LIX1: variants seen among roughly 807,000 people sequenced by gnomAD.
LIX1 encodes protein limb expression 1 homolog.
In LIX1, 24 loss-of-function variants were observed where a neutral mutation model predicts 33.4. The observed-to-expected ratio is 0.72, with a 90% CI of 0.52 to 1.01. LIX1 has a LOEUF of 1.01. LIX1 is among the 50% of genes least tolerant of loss of function. LIX1 has a pLI of 0.00. For synonymous variants in LIX1, 124 were observed against 124.0 expected, an observed-to-expected ratio of 1.00 and a Z score of 0.00; for missense variants, 311 against 339.2, an observed-to-expected ratio of 0.92 and a Z score of 0.65.
Position 97,093,766 on chromosome 5 carries a change from C to T in LIX1, c.*982G>A, listed in dbSNP as rs764647593. The T allele has an allele frequency of 2.0e-5, 3 of 152,096 alleles. No homozygotes were observed. Among genetic ancestry groups the T allele is most frequent in the Non-Finnish European group, 2.9e-5 (2 of 68,028 alleles). 9.4% of individuals were successfully genotyped at this position (152,096 alleles called of 1,614,324 possible). ...TGACTTAAACTTAATAATGATACTACATTTGAGCTACTGGTTGCTTATGTT... is the reference window on the plus strand; with the variant it reads ...TGACTTAAACTTAATAATGATACTATATTTGAGCTACTGGTTGCTTATGTT... On this transcript the variant is annotated 3_prime_UTR_variant, in exon 6 of 6. Coordinates refer to ENST00000274382, the MANE Select transcript of LIX1 (RefSeq NM_153234.5).
chr5:97,110,636 G>A (rs1747336647), intron 2 of LIX1, among the ~76,000 whole-genome samples: 1 of 151,986 alleles, frequency 6.6e-6, no homozygotes, highest in Non-Finnish European at 1.5e-5. Context: ...TAGAGATGGG[G>A]TTTCTCCATG....
intron 1 of LIX1, among the ~76,000 whole-genome samples, chr5:97,141,874 A>G (rs1482920944): frequency 6.6e-6 from 1 of 152,246 alleles, no homozygotes; most frequent in Non-Finnish European, 1.5e-5. Context: ...AATCATTAAA[A>G]AAAAGATTTT....
Position 97,092,719 on chromosome 5 carries a change from C to A in LIX1, c.*2029G>T, listed in dbSNP as rs952033946. The A allele has an allele frequency of 6.6e-6, 1 of 152,322 alleles. No individual in the cohort carries two copies. The highest frequency in any genetic ancestry group is 2.4e-5 in the African/African-American group (1 of 41,440). The allele number at this position is 152,322 out of a possible 1,614,324, so 9.4% of individuals were successfully genotyped here. On this transcript the variant is annotated 3_prime_UTR_variant, in exon 6 of 6. Coordinates refer to ENST00000274382, the MANE Select transcript of LIX1 (RefSeq NM_153234.5). The stretch of plus-strand genomic sequence containing the variant: ...TGATATTGTCCCATCTGATCCCTGT[C>A]CCTGCATCTAATTAAGATGGTGTCA...
intron 1 of LIX1, among the ~76,000 whole-genome samples, chr5:97,141,658 TA>T (rs562091676): frequency 5.3e-5 from 8 of 152,076 alleles, no homozygotes; most frequent in Admixed American, 4.6e-4. Context: ...CTATTGAAGT[TA>T]AAAAAAATTC....
At chr5:97,120,055 C>A (rs1747741468) in intron 2 of LIX1, among the ~76,000 whole-genome samples, 2 of 152,114 alleles carry the variant, frequency 1.3e-5, no homozygotes, top group South Asian at 4.1e-4. Flanking sequence ...AGTTGCTATG[C>A]ATAAATTAAA....
chr5:97,117,927 A>G (rs1747678634), intron 2 of LIX1, among the ~76,000 whole-genome samples: 1 of 152,134 alleles, frequency 6.6e-6, no homozygotes. Flanking sequence ...AATGGAAAAA[A>G]AAAAAAAAAG....
At chr5:97,126,754 C>T (rs1301726877) in intron 1 of LIX1, among the ~76,000 whole-genome samples, 1 of 151,362 alleles carries the variant, frequency 6.6e-6, no homozygotes, top group Non-Finnish European at 1.5e-5. Context: ...ATTCTCCTGC[C>T]TCAGCCTCCT....
intron 2 of LIX1, among the ~76,000 whole-genome samples, chr5:97,122,635 G>C (rs1457317031): frequency 1.3e-5 from 2 of 152,132 alleles, no homozygotes; most frequent in Non-Finnish European, 2.9e-5. Context: ...AGAACTGTCT[G>C]AATATTCAGT....
intron 1 of LIX1, among the ~76,000 whole-genome samples, chr5:97,135,669 A>C (rs1748155567): frequency 6.6e-6 from 1 of 152,098 alleles, no homozygotes; most frequent in African/African-American, 2.4e-5. Flanking sequence ...AATTACAAAA[A>C]TTAGCTAGGT....
chr5:97,129,881 G>T (rs1467953942), intron 1 of LIX1, among the ~76,000 whole-genome samples: 1 of 152,182 alleles, frequency 6.6e-6, no homozygotes, highest in East Asian at 1.9e-4. Flanking sequence ...CCTTCCCCAA[G>T]AATTGCTTCA....
intron 5 of LIX1, 58 bp from the exon 6 acceptor site, chr5:97,095,093 C>T (rs61758856): frequency 0.015 from 21,806 of 1,483,664 alleles, 183 homozygotes; most frequent in Middle Eastern, 0.039. Flanking sequence ...GGCACCCGTC[C>T]ACATGCCTCC....
intron 3 of LIX1, 40 bp from the exon 4 acceptor site, chr5:97,105,325 T>C (rs1377793141): frequency 1.3e-6 from 2 of 1,537,032 alleles, no homozygotes; most frequent in Non-Finnish European, 1.8e-6. Flanking sequence ...TACTGATTTT[T>C]CCTCCTCTTC....
At chr5:97,133,764 C>G (rs1310835549) in intron 1 of LIX1, among the ~76,000 whole-genome samples, 1 of 152,084 alleles carries the variant, frequency 6.6e-6, no homozygotes, top group Admixed American at 6.5e-5. Flanking sequence ...TTTCACTTTC[C>G]CATGGATGCT....
chr5:97,110,793 T>A (rs1230448073), intron 2 of LIX1, among the ~76,000 whole-genome samples: 1 of 152,084 alleles, frequency 6.6e-6, no homozygotes, highest in Non-Finnish European at 1.5e-5. Flanking sequence ...GAGCTAAAGT[T>A]CCAAAATGAG....
At chr5:97,109,341 C>G (rs867437530) in intron 2 of LIX1, among the ~76,000 whole-genome samples, 19 of 152,152 alleles carry the variant, frequency 1.2e-4, no homozygotes, top group African/African-American at 4.1e-4. Context: ...GCAACCTCCA[C>G]TTCTTGGGCC....
intron 1 of LIX1, among the ~76,000 whole-genome samples, chr5:97,140,909 A>G (rs1748272585): frequency 6.6e-6 from 1 of 152,232 alleles, no homozygotes; most frequent in Admixed American, 6.5e-5. Flanking sequence ...TGAAATATAT[A>G]AAACAGGACA....
Position 97,094,975 on chromosome 5 carries a change from G to A in LIX1, c.622C>T (p.Leu208=). The A allele has an allele frequency of 1.2e-6, 2 of 1,614,128 alleles. No homozygotes were observed. The highest frequency in any genetic ancestry group is 1.7e-6 in the Non-Finnish European group (2 of 1,180,032). Residue 208 remains leucine, a synonymous_variant, in exon 6 of 6, where the codon CTG becomes TTG. Coordinates refer to ENST00000274382, the MANE Select transcript of LIX1 (RefSeq NM_153234.5). ...TCCCGCTCCTTCATGATCCAGTCCA[G>A]GGCCATGTGGCTGCGCATCTTTTCA... ...LDEKMRSHMA[L]DWIMKERDSP...
intron 5 of LIX1, among the ~76,000 whole-genome samples, chr5:97,096,339 A>C (rs1372166131): frequency 6.6e-6 from 1 of 152,136 alleles, no homozygotes; most frequent in Non-Finnish European, 1.5e-5. Flanking sequence ...GGCTTGTCAG[A>C]CTTTATAATC....
Position 97,094,683 on chromosome 5 carries a change from G to C in LIX1, c.*65C>G. Reference sequence around the variant, plus strand: ...GATGCTGGAGCCTCTGAGGACCTCTGCACTGAGATTCCTAATGTTAATCTG... The same window carrying C: ...GATGCTGGAGCCTCTGAGGACCTCTCCACTGAGATTCCTAATGTTAATCTG... On this transcript the variant is annotated 3_prime_UTR_variant, in exon 6 of 6. Coordinates refer to ENST00000274382, the MANE Select transcript of LIX1 (RefSeq NM_153234.5). 6.7e-7 allele frequency: 1 copy of C among 1,495,230 alleles called. No individual in the cohort carries two copies. Among genetic ancestry groups the C allele is most frequent in the South Asian group, 1.2e-5 (1 of 81,288 alleles). 92.6% of individuals were successfully genotyped at this position (1,495,230 alleles called of 1,614,324 possible).
Sources: gnomAD v4.1 joint callset for allele counts (sites outside exome capture counted in the v4.1 genomes callset) on GRCh38, gnomAD v4.1.1 for gene constraint, MANE v1.5 for transcripts, NCBI Gene and HGNC (gene_info 2026-07-23, HGNC 2026-07-21) for gene names.